Variants in SLC35D4 observed in about 807,000 individuals in gnomAD.
SLC35D4 encodes the protein UDP-N-acetylglucosamine transporter SLC35D4.
At chr18:23,422,319 TAAATCATTACCCCGAACCTCTCCCTC>T in the SLC35D4 span, among the ~76,000 whole-genome samples, 1 of 152,064 alleles carries the variant, frequency 6.6e-6, no homozygotes, top group East Asian at 1.9e-4. Context: ...ATAACATGCC[TAAATCATTACCCCGAACCTCTCCCTC>T]AAATCATCCT....
chr18:23,382,588 C>T, the SLC35D4 span, among the ~76,000 whole-genome samples: 1 of 152,224 alleles, frequency 6.6e-6, no homozygotes, highest in Non-Finnish European at 1.5e-5. Flanking sequence ...CACCATGACA[C>T]ATCATTGATT....
chr18:23,267,239 T>G, the SLC35D4 span, among the ~76,000 whole-genome samples: 1 of 152,170 alleles, frequency 6.6e-6, no homozygotes, highest in African/African-American at 2.4e-5. Context: ...CATTCTTCAC[T>G]GACACCACCC....
chr18:23,411,553 G>GAAAGA, the SLC35D4 span, among the ~76,000 whole-genome samples: 3 of 151,132 alleles, frequency 2.0e-5, no homozygotes, highest in Admixed American at 6.6e-5. Context: ...AAGAAAGAAA[G>GAAAGA]GTGTGTGCTG....
At chr18:23,355,414 A>C in the SLC35D4 span, among the ~76,000 whole-genome samples, 1 of 152,136 alleles carries the variant, frequency 6.6e-6, no homozygotes, top group African/African-American at 2.4e-5. Context: ...AAGGGAAACA[A>C]GTCCGCAGCC....
At chr18:23,253,955 G>A in the SLC35D4 span, 21 of 1,606,526 alleles carry the variant, frequency 1.3e-5, no homozygotes, top group Non-Finnish European at 1.7e-5. Flanking sequence ...CCTTTTTCCT[G>A]GTGGCTGGAG....
At chr18:23,341,713 C>T in the SLC35D4 span, among the ~76,000 whole-genome samples, 1 of 152,104 alleles carries the variant, frequency 6.6e-6, no homozygotes, top group Non-Finnish European at 1.5e-5. Context: ...CGGAGGATCA[C>T]AAGCTTATTT....
At chr18:23,267,099 C>T in the SLC35D4 span, among the ~76,000 whole-genome samples, 1 of 152,218 alleles carries the variant, frequency 6.6e-6, no homozygotes, top group Non-Finnish European at 1.5e-5. Flanking sequence ...TGCCCTGCCG[C>T]CCCACAGTGA....
At chr18:23,425,998 A>G in the SLC35D4 span, among the ~76,000 whole-genome samples, 1 of 152,020 alleles carries the variant, frequency 6.6e-6, no homozygotes, top group African/African-American at 2.4e-5. Context: ...GGCATAAGGC[A>G]AAAGGAAGGA....
the SLC35D4 span, among the ~76,000 whole-genome samples, chr18:23,267,004 C>T: frequency 1.5e-3 from 218 of 149,698 alleles, no homozygotes; most frequent in Admixed American, 2.7e-3. Context: ...GCAGAGCATC[C>T]GACCAACAGA....
the SLC35D4 span, among the ~76,000 whole-genome samples, chr18:23,250,502 A>G: frequency 2.0e-5 from 3 of 152,196 alleles, no homozygotes; most frequent in Admixed American, 6.5e-5. Flanking sequence ...CAACCCAGAG[A>G]TTTAACCCAG....
chr18:23,320,382 T>C, the SLC35D4 span, among the ~76,000 whole-genome samples: 3 of 152,268 alleles, frequency 2.0e-5, no homozygotes, highest in Admixed American at 6.5e-5. Context: ...AATCTTGCAC[T>C]GGATTGTCTC....
the SLC35D4 span, among the ~76,000 whole-genome samples, chr18:23,362,639 A>C: frequency 6.6e-6 from 1 of 152,102 alleles, no homozygotes; most frequent in African/African-American, 2.4e-5. Flanking sequence ...AAACAAAGAA[A>C]GGCAATAAAG....
At chr18:23,404,144 T>C in the SLC35D4 span, among the ~76,000 whole-genome samples, 2 of 152,074 alleles carry the variant, frequency 1.3e-5, no homozygotes, top group Non-Finnish European at 2.9e-5. Flanking sequence ...ACACATAACA[T>C]TTTCTTCAAC....
chr18:23,248,471 G>A, the SLC35D4 span, among the ~76,000 whole-genome samples: 2 of 147,970 alleles, frequency 1.4e-5, no homozygotes, highest in African/African-American at 5.0e-5. Flanking sequence ...ACTTGGCCCA[G>A]GATTTAGCGT....
At chr18:23,414,112 G>A in the SLC35D4 span, among the ~76,000 whole-genome samples, 3 of 151,110 alleles carry the variant, frequency 2.0e-5, no homozygotes, top group Non-Finnish European at 3.0e-5. Context: ...AAAATTAGCC[G>A]GGCATGGTGG....
the SLC35D4 span, among the ~76,000 whole-genome samples, chr18:23,249,848 A>T: frequency 6.6e-6 from 1 of 152,146 alleles, no homozygotes; most frequent in East Asian, 1.9e-4. Flanking sequence ...CTTATTCAGT[A>T]CCATGAAGGA....
the SLC35D4 span, among the ~76,000 whole-genome samples, chr18:23,265,240 C>T: frequency 5.3e-5 from 8 of 152,234 alleles, no homozygotes; most frequent in East Asian, 1.9e-4. Flanking sequence ...AGGAGGAGAA[C>T]GGGAACTGGG....
the SLC35D4 span, among the ~76,000 whole-genome samples, chr18:23,334,914 G>A: frequency 6.6e-6 from 1 of 152,086 alleles, no homozygotes; most frequent in African/African-American, 2.4e-5. Context: ...GCAGAGGCAG[G>A]AGAATTGCTT....
the SLC35D4 span, among the ~76,000 whole-genome samples, chr18:23,405,856 A>G: frequency 1.3e-5 from 2 of 152,222 alleles, no homozygotes; most frequent in Non-Finnish European, 2.9e-5. Flanking sequence ...GTCACAATCC[A>G]GTGGGGTCAG....
Sources: gnomAD v4.1 joint callset for allele counts (sites outside exome capture counted in the v4.1 genomes callset) on GRCh38, gnomAD v4.1.1 for gene constraint, MANE v1.5 for transcripts, NCBI Gene and HGNC (gene_info 2026-07-23, HGNC 2026-07-21) for gene names.